Variants in POC1B observed in about 807,000 individuals in gnomAD.
POC1B encodes POC1 centriolar protein B.
In POC1B, 44 loss-of-function variants were observed where a neutral mutation model predicts 60.6. The ratio of observed to expected loss-of-function variants is 0.73; its 90% CI spans 0.57 to 0.93. The LOEUF is 0.93. POC1B is among the 40% of genes least tolerant of loss of function. The pLI, the probability that POC1B is intolerant of heterozygous loss-of-function variation, is 0.00. For missense variants in POC1B, 555 were observed against 572.3 expected (o/e 0.97, Z 0.31); for synonymous variants, 180 against 198.9 (o/e 0.90, Z 0.80).
intron 11 of POC1B, among the ~76,000 whole-genome samples, chr12:89,423,544 A>T (rs1429889481): frequency 6.6e-6 from 1 of 152,214 alleles, no homozygotes; most frequent in African/African-American, 2.4e-5. Context: ...TACCATCTAA[A>T]ACATAATTTC....
At chr12:89,497,903 T>C (rs1330202768) in intron 2 of POC1B, among the ~76,000 whole-genome samples, 1 of 152,216 alleles carries the variant, frequency 6.6e-6, no homozygotes, top group Non-Finnish European at 1.5e-5. Flanking sequence ...TTGTTTCTCC[T>C]TGCGCATGAA....
At chr12:89,413,290 C>T in the POC1B span, among the ~76,000 whole-genome samples, 2 of 152,106 alleles carry the variant, frequency 1.3e-5, no homozygotes, top group Non-Finnish European at 1.5e-5. Context: ...TCTGCAGACT[C>T]GAACTCCTGG....
At chr12:89,416,633 T>C (rs549559145), downstream of POC1B, among the ~76,000 whole-genome samples, 34 of 152,290 alleles carry the variant, frequency 2.2e-4, no homozygotes, top group Admixed American at 3.3e-4. Flanking sequence ...TATGGAGTAG[T>C]GTATGTCTGC....
chr12:89,492,270 G>A (rs150171239), intron 3 of POC1B, among the ~76,000 whole-genome samples, 155 bp from the exon 4 acceptor site: 7 of 152,272 alleles, frequency 4.6e-5, no homozygotes, highest in African/African-American at 1.4e-4. Context: ...ATGTTGTACT[G>A]TACTCTTCGT....
chr12:89,445,927 T>G (rs1881766743), intron 10 of POC1B, among the ~76,000 whole-genome samples: 1 of 151,474 alleles, frequency 6.6e-6, no homozygotes, highest in Non-Finnish European at 1.5e-5. Flanking sequence ...AACAACCCAA[T>G]CAAAAAATGG....
chr12:89,448,133 T>C (rs755669988), intron 10 of POC1B, among the ~76,000 whole-genome samples: 3 of 152,036 alleles, frequency 2.0e-5, no homozygotes, highest in Non-Finnish European at 4.4e-5. Context: ...CAGGAAAGCA[T>C]AGCTGTGTTT....
At chr12:89,409,584 A>G in the POC1B span, among the ~76,000 whole-genome samples, 3 of 152,234 alleles carry the variant, frequency 2.0e-5, no homozygotes, top group Non-Finnish European at 4.4e-5. Context: ...GAAAAGAGAG[A>G]AGAATCAAAT....
intron 2 of POC1B, among the ~76,000 whole-genome samples, chr12:89,499,516 G>T (rs562256423): frequency 6.9e-6 from 1 of 144,128 alleles, no homozygotes; most frequent in East Asian, 2.0e-4. Flanking sequence ...TGAAATTATT[G>T]AAAGAAAAAA....
At chr12:89,468,814 C>A (rs1251822340) in intron 7 of POC1B, among the ~76,000 whole-genome samples, 1 of 152,014 alleles carries the variant, frequency 6.6e-6, no homozygotes, top group Non-Finnish European at 1.5e-5. Flanking sequence ...AAAAGAAACT[C>A]TTCTCTTCTA....
chr12:89,417,606 A>C (rs774715233), downstream of POC1B, among the ~76,000 whole-genome samples: 5 of 152,242 alleles, frequency 3.3e-5, no homozygotes, highest in Non-Finnish European at 7.3e-5. Flanking sequence ...ATCTACTATA[A>C]CAACTTGTAT....
At chr12:89,524,975 C>T in intron 2 of POC1B, 145 bp downstream of exon 2, 2 of 1,289,460 alleles carry the variant, frequency 1.6e-6, no homozygotes, top group Non-Finnish European at 2.1e-6. Flanking sequence ...TGCGCCCCGC[C>T]GCGCTGGGCC....
chr12:89,495,781 A>G (rs920646886), intron 3 of POC1B, among the ~76,000 whole-genome samples: 1 of 151,722 alleles, frequency 6.6e-6, no homozygotes, highest in Admixed American at 6.6e-5. Context: ...TATTATTGAG[A>G]AGGAGTTTTG....
chr12:89,453,822 A>G (rs113798345), intron 10 of POC1B, among the ~76,000 whole-genome samples: 3,787 of 152,314 alleles, frequency 0.025, 72 homozygotes, highest in Non-Finnish European at 0.036. Flanking sequence ...CACAACATTC[A>G]TGGAAATATT....
chr12:89,408,680 G>T, the POC1B span, among the ~76,000 whole-genome samples: 1 of 152,002 alleles, frequency 6.6e-6, no homozygotes, highest in Non-Finnish European at 1.5e-5. Flanking sequence ...GTAGAGACGG[G>T]GTTTCACCAT....
chr12:89,505,850 G>C (rs7310515), intron 2 of POC1B, among the ~76,000 whole-genome samples: 109,037 of 152,118 alleles, frequency 0.72, 39,203 homozygotes, highest in Middle Eastern at 0.82. Flanking sequence ...GGAGAAAGCA[G>C]TGGTCTGGAC....
At chr12:89,419,405 T>C (rs1373183299), downstream of POC1B, among the ~76,000 whole-genome samples, 1 of 152,200 alleles carries the variant, frequency 6.6e-6, no homozygotes, top group Non-Finnish European at 1.5e-5. Flanking sequence ...ATCATCACTA[T>C]TTTTGTATCA....
In POC1B at chr12:89,491,929, C is replaced by T. The variant is rs773730077; in HGVS notation, c.452+7G>A. Reference sequence around the variant, plus strand: ...GGACATCTTAATATGAAATTTTTTGCACTTACTTGGCACAGCGTACCCAGT... The same window carrying T: ...GGACATCTTAATATGAAATTTTTTGTACTTACTTGGCACAGCGTACCCAGT... On this transcript the variant is annotated splice_region_variant and intron_variant, in intron 4 of 11. Coordinates refer to ENST00000313546, the MANE Select transcript of POC1B (RefSeq NM_172240.3). 2.0e-6 allele frequency: 3 copies of T among 1,477,854 alleles called. No homozygotes were observed. Among genetic ancestry groups the T allele is most frequent in the South Asian group, 1.4e-5 (1 of 69,230 alleles). 91.5% of individuals were successfully genotyped at this position (1,477,854 alleles called of 1,614,324 possible). A position where few individuals can be genotyped will look rare whatever the true frequency, so the allele number is the denominator to read the frequency against.
At chr12:89,410,802 T>G in the POC1B span, among the ~76,000 whole-genome samples, 53 of 152,260 alleles carry the variant, frequency 3.5e-4, no homozygotes, top group African/African-American at 1.2e-3. Flanking sequence ...AATAAAGCTA[T>G]TCAAATAGGA....
chr12:89,453,704 C>G (rs939918295), intron 10 of POC1B, among the ~76,000 whole-genome samples: 1 of 152,196 alleles, frequency 6.6e-6, no homozygotes, highest in Admixed American at 6.5e-5. Context: ...TTCACATACA[C>G]TGTGTTCTTT....
Sources: allele counts gnomAD v4.1 joint callset (sites outside exome capture counted in the v4.1 genomes callset), GRCh38; gene constraint gnomAD v4.1.1; transcripts MANE v1.5; gene names NCBI Gene and HGNC (gene_info 2026-07-23, HGNC 2026-07-21).